UGT2A1: variants seen among roughly 807,000 people sequenced by gnomAD.
The protein encoded by UGT2A1 is UDP-glucuronosyltransferase 2A1.
Under a neutral mutation model 45.4 loss-of-function variants are expected in UGT2A1, and 61 were observed. The observed-to-expected ratio is 1.34, with a 90% CI of 1.09 to 1.66. UGT2A1 has a LOEUF of 1.66. Ranked by LOEUF, UGT2A1 falls within the 40% of genes most tolerant of loss-of-function variation. UGT2A1 has a pLI of 0.00. For missense variants in UGT2A1, 649 were observed against 574.3 expected (o/e 1.13, Z -1.33); for synonymous variants, 229 against 196.2 (o/e 1.17, Z -1.40).
At chr4:69,615,919 A>G (rs1720353646) in intron 3 of UGT2A1, among the ~76,000 whole-genome samples, 1 of 152,054 alleles carries the variant, frequency 6.6e-6, no homozygotes, top group African/African-American at 2.4e-5. Flanking sequence ...TATATATCCA[A>G]ATAAAGGAAT....
At chr4:69,589,697 A>G in intron 6 of UGT2A1, 46 bp from the exon 7 acceptor site, 1 of 1,559,644 alleles carries the variant, frequency 6.4e-7, no homozygotes, top group Non-Finnish European at 8.7e-7. Flanking sequence ...TTTTGTTTTT[A>G]TTTTCATTGA....
intron 5 of UGT2A1, 106 bp downstream of exon 5, chr4:69,595,056 A>G: frequency 6.9e-7 from 1 of 1,439,420 alleles, no homozygotes; most frequent in South Asian, 1.2e-5. Flanking sequence ...TGAGTGTCAA[A>G]TAACATTTTA....
At chr4:69,627,684 T>C (rs564547123) in intron 3 of UGT2A1, among the ~76,000 whole-genome samples, 7 of 151,916 alleles carry the variant, frequency 4.6e-5, no homozygotes, top group African/African-American at 1.7e-4. Context: ...AGAACAAATA[T>C]ATTTAAGGTT....
chr4:69,647,382 T>C lies in UGT2A1; in HGVS notation c.263A>G (p.Lys88Arg). The C allele has an allele frequency of 6.2e-7, 1 of 1,613,258 alleles. No individual in the cohort carries two copies. The highest frequency in any genetic ancestry group is 8.5e-7 in the Non-Finnish European group (1 of 1,179,504). ...TTCCAGCCATGTCAAAACGAAGTCC[T>C]TAATTACTCCTTCTATTCTTTCTTT... Reference protein sequence around the residue: ...FGKERIEGVIKDFVLTWLENR... With the variant: ...FGKERIEGVIRDFVLTWLENR... The change falls in exon 2 of 7, where the codon AAG becomes AGG. Residue 88 changes from lysine to arginine, a missense_variant. By Grantham distance (26) the Lys-to-Arg change is conservative. Transcript: ENST00000286604.
chr4:69,634,820 T>C (rs1300726805), intron 3 of UGT2A1, among the ~76,000 whole-genome samples: 1 of 152,168 alleles, frequency 6.6e-6, no homozygotes, highest in Non-Finnish European at 1.5e-5. Flanking sequence ...CCCTTAATGG[T>C]AAACAATGCA....
chr4:69,617,855 T>C (rs922534672), intron 3 of UGT2A1, among the ~76,000 whole-genome samples: 4 of 151,882 alleles, frequency 2.6e-5, no homozygotes, highest in Non-Finnish European at 5.9e-5. Flanking sequence ...AATTGTCTTA[T>C]GTAAAAATCT....
chr4:69,633,652 C>T (rs1054471829), intron 3 of UGT2A1, among the ~76,000 whole-genome samples: 3 of 152,070 alleles, frequency 2.0e-5, no homozygotes, highest in Non-Finnish European at 4.4e-5. Context: ...ACAACTTGTA[C>T]GAATTTCAAA....
In UGT2A1 at chr4:69,605,825, G is replaced by T. The variant is rs1440193721; in HGVS notation, c.848-6431C>A. Reference sequence around the variant, plus strand: ...CACAAATAAACTAGAAAATCTAAAAGAAATGAATAAATTCCTTGACACGTA... The same window carrying T: ...CACAAATAAACTAGAAAATCTAAAATAAATGAATAAATTCCTTGACACGTA... On this transcript the variant is annotated intron_variant, in intron 3 of 6. Coordinates refer to ENST00000286604, the MANE Select transcript of UGT2A1 (RefSeq NM_001252275.3). Among the ~76,000 whole-genome samples the T allele has an allele frequency of 2.2e-5, 3 of 137,108 alleles. 1 individual carries two copies. The highest frequency in any genetic ancestry group is 3.9e-3 in the Middle Eastern group (1 of 258). The allele number at this position is 137,108 out of a possible 152,430, so 89.9% of individuals were successfully genotyped here. A position where few individuals can be genotyped will look rare whatever the true frequency, so the allele number is the denominator to read the frequency against.
intron 2 of UGT2A1, chr4:69,638,922 T>C (rs770133657): frequency 7.5e-6 from 12 of 1,603,034 alleles, no homozygotes; most frequent in Non-Finnish European, 1.0e-5. Context: ...ATAGTATGAA[T>C]TCCATTCTCC....
intron 2 of UGT2A1, among the ~76,000 whole-genome samples, chr4:69,636,038 T>C (rs7686386): frequency 0.036 from 5,461 of 152,208 alleles, 318 homozygotes; most frequent in African/African-American, 0.12. Flanking sequence ...ACTCATTTCA[T>C]CTGTAAGATT....
intron 4 of UGT2A1, chr4:69,596,146 C>T (rs1718911191): frequency 7.5e-7 from 1 of 1,327,996 alleles, no homozygotes; most frequent in Admixed American, 2.9e-5. Flanking sequence ...TAGTGATACT[C>T]AGTGTATAAT....
intron 3 of UGT2A1, among the ~76,000 whole-genome samples, chr4:69,602,521 T>C (rs762037439): frequency 7.3e-6 from 1 of 137,010 alleles, no homozygotes; most frequent in Non-Finnish European, 1.6e-5. Flanking sequence ...TATCATGTTA[T>C]GTAACAAATC....
At chr4:69,651,860 C>G (rs1332351489) in intron 1 of UGT2A1, among the ~76,000 whole-genome samples, 1 of 152,176 alleles carries the variant, frequency 6.6e-6, no homozygotes, top group Non-Finnish European at 1.5e-5. Context: ...TGTGCATGCT[C>G]ATTTCCCAAG....
At chr4:69,590,340 T>C (rs1355341108) in intron 6 of UGT2A1, among the ~76,000 whole-genome samples, 1 of 152,160 alleles carries the variant, frequency 6.6e-6, no homozygotes. Flanking sequence ...GAGATAACAG[T>C]TCTAATGGCT....
At chr4:69,650,896 T>G (rs1273334019) in intron 1 of UGT2A1, among the ~76,000 whole-genome samples, 3 of 152,148 alleles carry the variant, frequency 2.0e-5, no homozygotes, top group Non-Finnish European at 4.4e-5. Flanking sequence ...ATGAAAGGTA[T>G]GATATTTGAT....
rs542223206 is a variant in UGT2A1, at chr4:69,602,459, G to T, written c.848-3065C>A. On this transcript the variant is annotated intron_variant, in intron 3 of 6. Coordinates refer to ENST00000286604, the MANE Select transcript of UGT2A1 (RefSeq NM_001252275.3). ...AATTTTTAGAATAACAAAGATTTAG[G>T]AGTTTATCTATCTATCTATCTATCT... 3.6e-4 allele frequency among the ~76,000 whole-genome samples: 37 copies of T among 103,778 alleles called. 7 individuals are homozygous for T. In the South Asian group the frequency reaches 0.012, roughly 33 times the overall value. 68.1% of individuals were successfully genotyped at this position (103,778 alleles called of 152,430 possible).
In UGT2A1 at chr4:69,605,560, A is replaced by G. The variant is rs181300122; in HGVS notation, c.848-6166T>C. ...ATTCAAGACCTAGCAGAAGGCAAGA[A>G]AAAACTAAGATCAGAGCAGAACTGA... On this transcript the variant is annotated intron_variant, in intron 3 of 6. Coordinates refer to ENST00000286604, the MANE Select transcript of UGT2A1 (RefSeq NM_001252275.3). Among the ~76,000 whole-genome samples, 120 of 136,950 alleles carry G rather than the reference A, an allele frequency of 8.8e-4. 24 individuals are homozygous for G. The East Asian group carries it at 0.012, about 14-fold the overall frequency. 89.8% of individuals were successfully genotyped at this position (136,950 alleles called of 152,430 possible).
intron 3 of UGT2A1, among the ~76,000 whole-genome samples, chr4:69,613,472 T>C (rs940289468): frequency 4.6e-5 from 7 of 151,890 alleles, no homozygotes; most frequent in Non-Finnish European, 1.0e-4. Context: ...CAAAACATAG[T>C]ATTCCAACTA....
At chr4:69,618,658 T>G (rs1720557690) in intron 3 of UGT2A1, among the ~76,000 whole-genome samples, 2 of 152,004 alleles carry the variant, frequency 1.3e-5, no homozygotes, top group Non-Finnish European at 2.9e-5. Context: ...TCTTTATGCT[T>G]TTCAGATTCA....
Sources: gnomAD v4.1 joint callset for allele counts (sites outside exome capture counted in the v4.1 genomes callset) on GRCh38, gnomAD v4.1.1 for gene constraint, MANE v1.5 for transcripts, NCBI Gene and HGNC (gene_info 2026-07-23, HGNC 2026-07-21) for gene names.